The following NTRK2 variants were observed in gnomAD, a reference collection of about 807,000 sequenced individuals.
The protein encoded by NTRK2 is neurotrophic receptor tyrosine kinase 2, also known as BDNF/NT-3 growth factors receptor.
A neutral mutation model predicts 94.5 loss-of-function variants in NTRK2; 13 were observed. That is an observed-to-expected ratio of 0.14 (90% CI 0.09 to 0.22). The LOEUF (loss-of-function observed/expected upper bound fraction) is 0.22, where lower values mean the gene tolerates loss of function less well. Ranked by LOEUF, NTRK2 falls within the 10% of genes least tolerant of loss-of-function variation. The probability of loss-of-function intolerance (pLI) is 1.00; values close to 1 mark genes in which losing one functional copy is unlikely to be tolerated. For missense variants in NTRK2, 639 were observed against 1,071.2 expected (o/e 0.60, Z 5.63); for synonymous variants, 372 against 407.4 (o/e 0.91, Z 1.05).
chr9:84,756,485 C>T (rs759762394), intron 12 of NTRK2, among the ~76,000 whole-genome samples: 3 of 152,200 alleles, frequency 2.0e-5, no homozygotes, highest in Non-Finnish European at 2.9e-5. Flanking sequence ...AGGGAGCCAG[C>T]AGGGAGGAGG....
At chr9:84,813,858 C>T (rs1490528752) in intron 12 of NTRK2, 1 of 1,065,482 alleles carries the variant, frequency 9.4e-7, no homozygotes, top group African/African-American at 1.6e-5. Flanking sequence ...TAATGTGGTC[C>T]ACGTCCTATA....
rs1363119552 is a variant in NTRK2 at position 85,025,295 on chromosome 9, T to C, written c.*3858T>C. 1 of 233,158 alleles carries C rather than the reference T, an allele frequency of 4.3e-6. No individual in the cohort carries two copies. The highest frequency in any genetic ancestry group is 8.5e-6 in the Non-Finnish European group (1 of 118,022). The allele number at this position is 233,158 out of a possible 1,614,324, so 14.4% of individuals were successfully genotyped here. The stretch of plus-strand genomic sequence containing the variant: ...GGAAAGGAACATTGCTTTCTTTTTG[T>C]CTTTCAGCACATTTGTATTATGCTC... On this transcript the variant is annotated 3_prime_UTR_variant, in exon 19 of 19. Coordinates refer to ENST00000277120, the MANE Select transcript of NTRK2 (RefSeq NM_006180.6).
At chr9:84,984,430 C>T (rs1828036770) in intron 17 of NTRK2, among the ~76,000 whole-genome samples, 1 of 152,142 alleles carries the variant, frequency 6.6e-6, no homozygotes, top group Non-Finnish European at 1.5e-5. Flanking sequence ...TGAGATCACA[C>T]CATTGCACTC....
chr9:84,863,719 A>C (rs1473253606), intron 13 of NTRK2, among the ~76,000 whole-genome samples: 1 of 152,248 alleles, frequency 6.6e-6, no homozygotes, highest in Non-Finnish European at 1.5e-5. Context: ...CTTGCCAGCC[A>C]TATCAATCTT....
intron 12 of NTRK2, among the ~76,000 whole-genome samples, chr9:84,838,411 G>A (rs1056829655): frequency 7.2e-5 from 11 of 152,030 alleles, no homozygotes; most frequent in Admixed American, 6.6e-5. Context: ...GTACATGCTC[G>A]CCATACAATG....
chr9:84,872,390 C>T (rs1404558914), intron 14 of NTRK2: 15 of 1,089,194 alleles, frequency 1.4e-5, no homozygotes, highest in Admixed American at 4.5e-5. Flanking sequence ...TTTATCTTCT[C>T]CCGTCGGAGC....
At chr9:84,743,581 G>T (rs1344611837) in intron 10 of NTRK2, among the ~76,000 whole-genome samples, 1 of 152,184 alleles carries the variant, frequency 6.6e-6, no homozygotes, top group African/African-American at 2.4e-5. Flanking sequence ...CTCTCAAATT[G>T]TTTCACAGAG....
intron 12 of NTRK2, among the ~76,000 whole-genome samples, chr9:84,852,239 C>T (rs755484225): frequency 2.0e-5 from 3 of 152,182 alleles, no homozygotes; most frequent in Admixed American, 6.5e-5. Context: ...CAGCTTCCTC[C>T]GCAAAGACTT....
intron 12 of NTRK2, among the ~76,000 whole-genome samples, chr9:84,836,751 C>T (rs1315939328): frequency 6.7e-6 from 1 of 149,200 alleles, no homozygotes; most frequent in Non-Finnish European, 1.5e-5. Flanking sequence ...GGGGAGCTCT[C>T]CACAGTCAAT....
intron 12 of NTRK2, among the ~76,000 whole-genome samples, chr9:84,792,107 T>TAC (rs1564285767): frequency 6.6e-6 from 1 of 152,224 alleles, no homozygotes; most frequent in Admixed American, 6.5e-5. Flanking sequence ...AAGTGTGAAC[T>TAC]ACAGCAGCAA....
At chr9:84,883,043 A>G (rs1040315331) in intron 14 of NTRK2, among the ~76,000 whole-genome samples, 1 of 152,194 alleles carries the variant, frequency 6.6e-6, no homozygotes, top group Non-Finnish European at 1.5e-5. Flanking sequence ...CTGGGATTAC[A>G]GGCATGAGCC....
In NTRK2 at chr9:84,770,080, G is replaced by A. The variant is rs545230922; in HGVS notation, c.1396+17995G>A. 3.3e-5 allele frequency among the ~76,000 whole-genome samples: 5 copies of A among 151,306 alleles called. No homozygotes were observed. The South Asian group carries it at 1.1e-3, about 32-fold the overall frequency. ...GCATATGTTTGCTTCTGAGGGTCAC[G>A]CACCTGGAACCTTGTTCAGAGGGCT... On this transcript the variant is annotated intron_variant, in intron 12 of 18. Transcript: ENST00000277120.
At chr9:84,726,333 T>C (rs1443692187) in intron 8 of NTRK2, among the ~76,000 whole-genome samples, 1 of 152,090 alleles carries the variant, frequency 6.6e-6, no homozygotes, top group Non-Finnish European at 1.5e-5. Context: ...CTAGAAATAC[T>C]AATATTAGCC....
intron 12 of NTRK2, among the ~76,000 whole-genome samples, chr9:84,859,176 A>C (rs2075212891): frequency 6.6e-6 from 1 of 152,162 alleles, no homozygotes; most frequent in Non-Finnish European, 1.5e-5. Flanking sequence ...CGGGGTGTGA[A>C]TGGTTTCATG....
At chr9:84,777,406 A>G (rs538929843) in intron 12 of NTRK2, among the ~76,000 whole-genome samples, 6 of 152,342 alleles carry the variant, frequency 3.9e-5, no homozygotes, top group South Asian at 2.1e-4. Flanking sequence ...TGTTGTCCCT[A>G]AATGGGTTAT....
chr9:84,670,420 T>A lies in NTRK2; in HGVS notation c.-329T>A. Reference sequence around the variant, plus strand: ...ACCCCCATTCGCATCTAACAAGGAATCTGCGCCCCAGAGAGTCCCGGGAGC... The same window carrying A: ...ACCCCCATTCGCATCTAACAAGGAAACTGCGCCCCAGAGAGTCCCGGGAGC... On this transcript the variant is annotated 5_prime_UTR_variant, in exon 2 of 19. Transcript: ENST00000277120. 1 of 441,854 alleles carries A rather than the reference T, an allele frequency of 2.3e-6. No individual in the cohort carries two copies. Among genetic ancestry groups the A allele is most frequent in the South Asian group, 2.5e-5 (1 of 40,588 alleles). The allele number at this position is 441,854 out of a possible 1,614,324, so 27.4% of individuals were successfully genotyped here.
chr9:84,811,159 G>T (rs2071740595), intron 12 of NTRK2: 8 of 1,062,064 alleles, frequency 7.5e-6, no homozygotes, highest in Non-Finnish European at 9.1e-6. Context: ...CCATCACTTT[G>T]GGACTTGGTA....
At chr9:84,959,665 T>G (rs1464784208) in intron 17 of NTRK2, among the ~76,000 whole-genome samples, 1 of 152,200 alleles carries the variant, frequency 6.6e-6, no homozygotes, top group Non-Finnish European at 1.5e-5. Context: ...GGTCCAAAAT[T>G]ACTCTAGCAT....
At chr9:84,995,240 T>A (rs1377610934) in intron 17 of NTRK2, among the ~76,000 whole-genome samples, 6 of 152,120 alleles carry the variant, frequency 3.9e-5, no homozygotes, top group Admixed American at 3.9e-4. Flanking sequence ...TCAGAAGGTG[T>A]CACACTGTAG....
Sources: allele counts gnomAD v4.1 joint callset (sites outside exome capture counted in the v4.1 genomes callset), GRCh38; gene constraint gnomAD v4.1.1; transcripts MANE v1.5; gene names NCBI Gene and HGNC (gene_info 2026-07-23, HGNC 2026-07-21).